Variants in TENM3 observed in about 807,000 individuals in gnomAD.
TENM3 encodes the protein teneurin-3.
TENM3 carries 63 observed loss-of-function variants against 255.1 expected under a neutral mutation model. That is an observed-to-expected ratio of 0.25 (90% CI 0.20 to 0.30). TENM3 has a LOEUF of 0.30. Ranked by LOEUF, TENM3 falls within the 10% of genes least tolerant of loss-of-function variation. The pLI is 1.00. For synonymous variants in TENM3, 1,306 were observed against 1,322.3 expected, an observed-to-expected ratio of 0.99 and a Z score of 0.27; for missense variants, 2,929 against 3,461.1, an observed-to-expected ratio of 0.85 and a Z score of 3.86.
intron 18 of TENM3, among the ~76,000 whole-genome samples, chr4:182,739,360 A>G (rs1761425997): frequency 6.6e-6 from 1 of 152,206 alleles, no homozygotes; most frequent in Non-Finnish European, 1.5e-5. Flanking sequence ...TTTTGCCCAC[A>G]TGCTAGCTGC....
intron 3 of TENM3, among the ~76,000 whole-genome samples, chr4:182,506,857 A>C (rs1161232345): frequency 6.6e-6 from 1 of 152,186 alleles, no homozygotes; most frequent in Admixed American, 6.5e-5. Flanking sequence ...TTAAACGGTC[A>C]ATTCGATGGT....
intron 3 of TENM3, among the ~76,000 whole-genome samples, chr4:182,488,860 C>T (rs946092121): frequency 6.6e-6 from 1 of 151,916 alleles, no homozygotes. Context: ...AATGCTGGGA[C>T]AGAAGCCAGT....
chr4:182,039,813 T>A, the TENM3 span, among the ~76,000 whole-genome samples: 1 of 148,240 alleles, frequency 6.7e-6, no homozygotes, highest in South Asian at 2.2e-4. Context: ...TAAAAAGTGC[T>A]CAGCAAACAT....
At chr4:181,667,501 G>T in the TENM3 span, among the ~76,000 whole-genome samples, 1 of 152,122 alleles carries the variant, frequency 6.6e-6, no homozygotes, top group Non-Finnish European at 1.5e-5. Flanking sequence ...AAAGTGGTTT[G>T]GCCACAAAGC....
the TENM3 span, among the ~76,000 whole-genome samples, chr4:181,986,923 A>G: frequency 6.6e-6 from 1 of 152,148 alleles, no homozygotes; most frequent in Non-Finnish European, 1.5e-5. Flanking sequence ...AACTATGAAC[A>G]GTACTTCTGG....
chr4:182,502,661 G>A (rs548907538), intron 3 of TENM3, among the ~76,000 whole-genome samples: 3 of 151,862 alleles, frequency 2.0e-5, no homozygotes, highest in African/African-American at 2.4e-5. Context: ...CTTGGATACC[G>A]TATCCTCTTT....
At chr4:182,380,692 A>T (rs1037981904) in intron 3 of TENM3, among the ~76,000 whole-genome samples, 1 of 152,216 alleles carries the variant, frequency 6.6e-6, no homozygotes, top group African/African-American at 2.4e-5. Context: ...ATTGTTATTT[A>T]AAATGCCTCC....
At chr4:181,650,738 G>T in the TENM3 span, among the ~76,000 whole-genome samples, 1 of 152,198 alleles carries the variant, frequency 6.6e-6, no homozygotes, top group African/African-American at 2.4e-5. Context: ...GCAGTAGAAT[G>T]AGGTGTAAGA....
At chr4:182,246,868 A>G (rs1009022826) in intron 1 of TENM3, among the ~76,000 whole-genome samples, 3 of 152,204 alleles carry the variant, frequency 2.0e-5, no homozygotes, top group Admixed American at 2.0e-4. Flanking sequence ...ATAAGTTCCG[A>G]TAATCATCGC....
At chr4:182,495,667 T>A (rs1364829026) in intron 3 of TENM3, among the ~76,000 whole-genome samples, 3 of 152,224 alleles carry the variant, frequency 2.0e-5, no homozygotes, top group African/African-American at 7.2e-5. Flanking sequence ...CTGCTCATTA[T>A]GTTAAACAGT....
chr4:182,692,543 G>C (rs769827143), intron 12 of TENM3, among the ~76,000 whole-genome samples: 1 of 152,184 alleles, frequency 6.6e-6, no homozygotes, highest in Non-Finnish European at 1.5e-5. Flanking sequence ...TTGTTGTGAA[G>C]GAAAAGAAGA....
At chr4:181,486,216 C>A in the TENM3 span, among the ~76,000 whole-genome samples, 1 of 152,136 alleles carries the variant, frequency 6.6e-6, no homozygotes, top group African/African-American at 2.4e-5. Context: ...AGGTTGCAAA[C>A]CACACACTCT....
the TENM3 span, among the ~76,000 whole-genome samples, chr4:182,059,508 C>G: frequency 6.6e-6 from 1 of 151,676 alleles, no homozygotes; most frequent in Non-Finnish European, 1.5e-5. Flanking sequence ...TGTTTTGGTG[C>G]TCTACTGGAA....
chr4:181,636,684 C>A, the TENM3 span, among the ~76,000 whole-genome samples: 1 of 152,182 alleles, frequency 6.6e-6, no homozygotes, highest in African/African-American at 2.4e-5. Context: ...GTGCAAGCGC[C>A]CATCGTGTCT....
At chr4:182,119,704 A>T in the TENM3 span, among the ~76,000 whole-genome samples, 1 of 152,022 alleles carries the variant, frequency 6.6e-6, no homozygotes, top group African/African-American at 2.4e-5. Context: ...TATGGAAAAA[A>T]ACACACAGTT....
chr4:182,308,809 A>G (rs934722678), intron 1 of TENM3, among the ~76,000 whole-genome samples: 3 of 152,200 alleles, frequency 2.0e-5, no homozygotes, highest in African/African-American at 7.2e-5. Context: ...TAAACTTGAG[A>G]AGTCCAAACA....
chr4:181,939,094 A>G, the TENM3 span, among the ~76,000 whole-genome samples: 9 of 152,360 alleles, frequency 5.9e-5, no homozygotes, highest in East Asian at 1.7e-3. Flanking sequence ...TTAAATGAAG[A>G]TAATAATTAT....
the TENM3 span, among the ~76,000 whole-genome samples, chr4:181,456,106 TG>T: frequency 8.6e-6 from 1 of 116,492 alleles, no homozygotes; most frequent in African/African-American, 3.5e-5. Flanking sequence ...TGTGTGTGTG[TG>T]TGTGTGTATA....
the TENM3 span, among the ~76,000 whole-genome samples, chr4:182,051,765 T>C: frequency 6.6e-6 from 1 of 152,224 alleles, no homozygotes; most frequent in Non-Finnish European, 1.5e-5. Context: ...TTTATAGTTA[T>C]AGCAAGGTTG....
Sources: gnomAD v4.1 joint callset for allele counts (sites outside exome capture counted in the v4.1 genomes callset) on GRCh38, gnomAD v4.1.1 for gene constraint, MANE v1.5 for transcripts, NCBI Gene and HGNC (gene_info 2026-07-23, HGNC 2026-07-21) for gene names.